The following IL18R1 variants were observed in gnomAD, a reference collection of about 807,000 sequenced individuals.
The protein encoded by IL18R1 is interleukin-18 receptor 1.
In IL18R1, 40 loss-of-function variants were observed where a neutral mutation model predicts 48.5. The ratio of observed to expected loss-of-function variants is 0.82; its 90% CI spans 0.64 to 1.07. IL18R1 has a LOEUF of 1.07. IL18R1 is among the 50% of genes least tolerant of loss of function. IL18R1 has a pLI of 0.00. For synonymous variants in IL18R1, 232 were observed against 225.9 expected, an observed-to-expected ratio of 1.03 and a Z score of -0.24; for missense variants, 596 against 633.7, an observed-to-expected ratio of 0.94 and a Z score of 0.64.
chr2:102,398,448 C>G lies in IL18R1; in HGVS notation c.*1562C>G, dbSNP rs1680930696. On this transcript the variant is annotated 3_prime_UTR_variant, in exon 11 of 11. Coordinates refer to ENST00000233957, the MANE Select transcript of IL18R1 (RefSeq NM_003855.5). ...GAAAACCAAAAAAGAGTGAGATTGT[C>G]AGTGTAAGAATGTGATTTAATGTTT... 6.6e-6 allele frequency: 1 copy of G among 152,300 alleles called. No individual in the cohort carries two copies. The highest frequency in any genetic ancestry group is 1.5e-5 in the Non-Finnish European group (1 of 68,028). The allele number at this position is 152,300 out of a possible 1,614,324, so 9.4% of individuals were successfully genotyped here. A position where few individuals can be genotyped will look rare whatever the true frequency, so the allele number is the denominator to read the frequency against.
intron 2 of IL18R1, chr2:102,362,924 C>T (rs1678667464): frequency 5.3e-6 from 2 of 374,634 alleles, no homozygotes. Flanking sequence ...AAATTTATTT[C>T]ATGTTATTTG....
At chr2:102,361,473 G>A (rs927233168) in intron 1 of IL18R1, among the ~76,000 whole-genome samples, 1 of 152,196 alleles carries the variant, frequency 6.6e-6, no homozygotes, top group Non-Finnish European at 1.5e-5. Flanking sequence ...TAGGATGGAA[G>A]ATGAGTAGTT....
chr2:102,374,055 A>C (rs1679428365), intron 4 of IL18R1: 2 of 300,022 alleles, frequency 6.7e-6, no homozygotes, highest in Non-Finnish European at 1.4e-5. Flanking sequence ...TAAAGTGCAC[A>C]ATAAATGTAA....
At chr2:102,364,217 G>A (rs529654036) in intron 2 of IL18R1, among the ~76,000 whole-genome samples, 6 of 152,224 alleles carry the variant, frequency 3.9e-5, no homozygotes, top group East Asian at 3.9e-4. Context: ...TAAGACAAGC[G>A]AAAACCTGAA....
chr2:102,397,187 T>C lies in IL18R1; in HGVS notation c.*301T>C, dbSNP rs1432397858. ...ATCCCATATTCAGCAAGTGTGAAGC[T>C]GGACGTGATGCAAAATAACCGATGC... On this transcript the variant is annotated 3_prime_UTR_variant, in exon 11 of 11. Coordinates refer to ENST00000233957, the MANE Select transcript of IL18R1 (RefSeq NM_003855.5). 3.6e-6 allele frequency: 1 copy of C among 276,560 alleles called. No homozygotes were observed. Among genetic ancestry groups the C allele is most frequent in the Non-Finnish European group, 6.7e-6 (1 of 149,516 alleles). The allele number at this position is 276,560 out of a possible 1,614,324, so 17.1% of individuals were successfully genotyped here.
rs1446381972 is a variant in IL18R1, at chr2:102,397,916, C to T, written c.*1030C>T. On this transcript the variant is annotated 3_prime_UTR_variant, in exon 11 of 11. Coordinates refer to ENST00000233957, the MANE Select transcript of IL18R1 (RefSeq NM_003855.5). ...GTGAAATTAGAATTTATAATAATTG[C>T]ACCTACCTCCCAGGGGTAACTAAAT... 6.6e-6 allele frequency: 1 copy of T among 152,120 alleles called. No homozygotes were observed. Among genetic ancestry groups the T allele is most frequent in the African/African-American group, 2.4e-5 (1 of 41,412 alleles). The allele number at this position is 152,120 out of a possible 1,614,324, so 9.4% of individuals were successfully genotyped here.
At chr2:102,387,545 C>T (rs780031324) in intron 8 of IL18R1, among the ~76,000 whole-genome samples, 40 of 152,334 alleles carry the variant, frequency 2.6e-4, no homozygotes, top group Middle Eastern at 3.4e-3. Flanking sequence ...GCCCCAGGGT[C>T]GCCATCCCTT....
chr2:102,394,447 A>C, intron 9 of IL18R1, 22 bp from the exon 10 acceptor site: 1 of 1,570,496 alleles, frequency 6.4e-7, no homozygotes. Context: ...CATGAATTAA[A>C]AGAGCCAATC....
rs562939413 is a variant in IL18R1 at position 102,382,011 on chromosome 2, G to A, written c.688+329G>A. Among the ~76,000 whole-genome samples, 5 of 152,138 alleles carry A rather than the reference G, an allele frequency of 3.3e-5. No homozygotes were observed. The East Asian group carries it at 5.8e-4, about 18-fold the overall frequency. On this transcript the variant is annotated intron_variant, in intron 6 of 10. Coordinates refer to ENST00000233957, the MANE Select transcript of IL18R1 (RefSeq NM_003855.5). Reference sequence around the variant, plus strand: ...ATTTAGGCCGGGCATGGTGGCTCACGCCTGTAATCCCAGCACTTTGGGAGG... The same window carrying A: ...ATTTAGGCCGGGCATGGTGGCTCACACCTGTAATCCCAGCACTTTGGGAGG...
rs1478047782 is a variant in IL18R1, at chr2:102,390,062, T to C, written c.956T>C (p.Met319Thr). The C allele has an allele frequency of 6.2e-7, 1 of 1,613,908 alleles. No homozygotes were observed. Among genetic ancestry groups the C allele is most frequent in the African/African-American group, 1.3e-5 (1 of 74,908 alleles). ...TTTTCCCTTTCTTTTCTAGCAGACA[T>C]GGCTGATATCCCAGGCCACGTCTTC... ...KSFILVRKAD[M>T]ADIPGHVFTR... The change falls in exon 9 of 11, where the codon ATG becomes ACG. Residue 319 changes from methionine to threonine, a missense_variant. Physicochemically the swap from Met to Thr is moderately conservative, Grantham distance 81. Coordinates refer to ENST00000233957, the MANE Select transcript of IL18R1 (RefSeq NM_003855.5).
chr2:102,395,419 G>T (rs2105135965), intron 10 of IL18R1, among the ~76,000 whole-genome samples: 1 of 151,580 alleles, frequency 6.6e-6, no homozygotes, highest in Non-Finnish European at 1.5e-5. Context: ...CTATTCCTGT[G>T]CCAAGTTGTG....
chr2:102,375,862 T>C (rs1679546405), intron 4 of IL18R1, 45 bp from the exon 5 acceptor site: 2 of 1,368,752 alleles, frequency 1.5e-6, no homozygotes, highest in Non-Finnish European at 2.0e-6. Flanking sequence ...GTAATATCAA[T>C]TTGGCTTTTA....
chr2:102,389,676 C>G lies in IL18R1; in HGVS notation c.950-380C>G, dbSNP rs180886516. 2.0e-5 allele frequency among the ~76,000 whole-genome samples: 3 copies of G among 152,220 alleles called. No homozygotes were observed. The South Asian group carries it at 6.2e-4, about 32-fold the overall frequency. On this transcript the variant is annotated intron_variant, in intron 8 of 10. Coordinates refer to ENST00000233957, the MANE Select transcript of IL18R1 (RefSeq NM_003855.5). Reference sequence around the variant, plus strand: ...AACCCAGACAAATGTCAATCCAGTGCTCTCTCTCTTCTCTCAAAACTATGC... The same window carrying G: ...AACCCAGACAAATGTCAATCCAGTGGTCTCTCTCTTCTCTCAAAACTATGC...
rs148852149 is a variant in IL18R1, at chr2:102,374,532, A to C, written c.469-1375A>C. Among the ~76,000 whole-genome samples the C allele has an allele frequency of 2.5e-3, 375 of 152,290 alleles. 3 individuals are homozygous for C. The highest frequency in any genetic ancestry group is 8.6e-3 in the African/African-American group (357 of 41,556). On this transcript the variant is annotated intron_variant, in intron 4 of 10. Coordinates refer to ENST00000233957, the MANE Select transcript of IL18R1 (RefSeq NM_003855.5). ...AGTGGCTCACACCTGTAATCCCAGC[A>C]CTTTGTGAGGCTGAGGTGGGCGGAT...
chr2:102,385,686 G>A (rs1435947987), intron 7 of IL18R1, among the ~76,000 whole-genome samples: 1 of 152,130 alleles, frequency 6.6e-6, no homozygotes, highest in Non-Finnish European at 1.5e-5. Flanking sequence ...CATTCTTGCT[G>A]ACACTTGTCT....
rs1679921985 is a variant in IL18R1, at chr2:102,381,608, T to C, written c.626-12T>C. The C allele has an allele frequency of 1.2e-6, 2 of 1,607,732 alleles. No individual in the cohort carries two copies. The highest frequency in any genetic ancestry group is 1.7e-5 in the Admixed American group (1 of 59,966). On this transcript the variant is annotated splice_polypyrimidine_tract_variant and intron_variant, in intron 5 of 10. Coordinates refer to ENST00000233957, the MANE Select transcript of IL18R1 (RefSeq NM_003855.5). ...ACACTAATACATTTGTCTTTTCTTT[T>C]GTCACTTCTAGATCGCAGTAATATA...
chr2:102,374,773 G>C (rs867626973), intron 4 of IL18R1, among the ~76,000 whole-genome samples: 91 of 139,734 alleles, frequency 6.5e-4, no homozygotes, highest in African/African-American at 2.2e-3. Flanking sequence ...GCGATACTCC[G>C]TCTCAAAAAA....
chr2:102,373,196 AT>A (rs1445123449), intron 4 of IL18R1, among the ~76,000 whole-genome samples: 1 of 151,956 alleles, frequency 6.6e-6, no homozygotes, highest in Non-Finnish European at 1.5e-5. Flanking sequence ...TTGCCTGTTT[AT>A]TTTTTTCTGT....
intron 5 of IL18R1, among the ~76,000 whole-genome samples, chr2:102,378,765 A>C (rs1364696779): frequency 6.6e-6 from 1 of 152,218 alleles, no homozygotes; most frequent in Non-Finnish European, 1.5e-5. Context: ...TGCATCACTG[A>C]GACAGAAACA....
Sources: gnomAD v4.1 joint callset for allele counts (sites outside exome capture counted in the v4.1 genomes callset) on GRCh38, gnomAD v4.1.1 for gene constraint, MANE v1.5 for transcripts, NCBI Gene and HGNC (gene_info 2026-07-23, HGNC 2026-07-21) for gene names.